EPHA5: variants seen among roughly 807,000 people sequenced by gnomAD.
EPHA5 encodes the protein EPH receptor A5, also known as ephrin type-A receptor 5.
A neutral mutation model predicts 105.0 loss-of-function variants in EPHA5; 60 were observed. The ratio of observed to expected loss-of-function variants is 0.57; its 90% CI spans 0.46 to 0.71. The LOEUF is 0.71. EPHA5 is among the 30% of genes least tolerant of loss of function. The probability of loss-of-function intolerance (pLI) is 0.00; values close to 1 mark genes in which losing one functional copy is unlikely to be tolerated. For synonymous variants in EPHA5, 513 were observed against 449.1 expected (o/e 1.14, Z -1.80); for missense variants, 1,218 against 1,274.7 (o/e 0.96, Z 0.68).
intron 3 of EPHA5, among the ~76,000 whole-genome samples, chr4:65,525,718 G>T (rs1224387751): frequency 4.6e-5 from 7 of 151,760 alleles, no homozygotes; most frequent in Non-Finnish European, 8.8e-5. Flanking sequence ...TCAAAGAAAA[G>T]CCCCCTGGCA....
intron 5 of EPHA5, among the ~76,000 whole-genome samples, chr4:65,436,678 A>G (rs1725511082): frequency 6.6e-6 from 1 of 151,980 alleles, no homozygotes; most frequent in Non-Finnish European, 1.5e-5. Context: ...TTATTTTGAA[A>G]TCTACATGTT....
intron 3 of EPHA5, among the ~76,000 whole-genome samples, chr4:65,511,808 A>G (rs1733652885): frequency 6.6e-6 from 1 of 152,196 alleles, no homozygotes; most frequent in Admixed American, 6.6e-5. Context: ...CTGCTAGGCT[A>G]AAACTTATTT....
intron 3 of EPHA5, among the ~76,000 whole-genome samples, chr4:65,534,762 C>CT (rs1736135744): frequency 6.6e-6 from 1 of 152,154 alleles, no homozygotes; most frequent in Non-Finnish European, 1.5e-5. Context: ...ATGTTCATAT[C>CT]TTTGAGTTTA....
At chr4:65,457,680 T>G (rs991152464) in intron 5 of EPHA5, among the ~76,000 whole-genome samples, 1 of 152,058 alleles carries the variant, frequency 6.6e-6, no homozygotes, top group Non-Finnish European at 1.5e-5. Flanking sequence ...AAGAGTCGTG[T>G]AGCATAACAC....
intron 4 of EPHA5, among the ~76,000 whole-genome samples, chr4:65,491,181 T>TAA (rs78417500): frequency 6.7e-5 from 8 of 119,942 alleles, no homozygotes; most frequent in Admixed American, 8.7e-5. Flanking sequence ...ATGTTGTAAG[T>TAA]AAAAAAAAAA....
intron 5 of EPHA5, among the ~76,000 whole-genome samples, chr4:65,440,469 T>A (rs1440821272): frequency 1.3e-5 from 2 of 148,944 alleles, no homozygotes; most frequent in Admixed American, 6.9e-5. Flanking sequence ...AATCTTTTGT[T>A]TTTATTCAAC....
At chr4:65,413,746 C>A (rs1459749699) in intron 7 of EPHA5, among the ~76,000 whole-genome samples, 2 of 152,068 alleles carry the variant, frequency 1.3e-5, no homozygotes, top group Non-Finnish European at 2.9e-5. Flanking sequence ...AAATATTTTA[C>A]GCTATTTTTA....
intron 3 of EPHA5, among the ~76,000 whole-genome samples, chr4:65,596,646 T>C (rs1271254664): frequency 6.6e-6 from 1 of 151,088 alleles, no homozygotes. Context: ...ATGATTTGAC[T>C]ACTTAATTGC....
At chr4:65,590,202 A>G (rs1180842265) in intron 3 of EPHA5, among the ~76,000 whole-genome samples, 1 of 152,126 alleles carries the variant, frequency 6.6e-6, no homozygotes, top group Admixed American at 6.6e-5. Flanking sequence ...TCTTTTATAA[A>G]CTACACCTTT....
At chr4:65,515,086 C>A (rs1733976752) in intron 3 of EPHA5, among the ~76,000 whole-genome samples, 1 of 152,092 alleles carries the variant, frequency 6.6e-6, no homozygotes, top group South Asian at 2.1e-4. Context: ...CTGACTCTAC[C>A]AACTTGTCAA....
At chr4:65,617,227 G>A (rs779307045) in intron 2 of EPHA5, among the ~76,000 whole-genome samples, 1 of 151,860 alleles carries the variant, frequency 6.6e-6, no homozygotes, top group African/African-American at 2.4e-5. Flanking sequence ...CCTCTTACAC[G>A]CATTTTTCAT....
At chr4:65,468,030 G>A (rs1332972769) in intron 5 of EPHA5, among the ~76,000 whole-genome samples, 1 of 152,100 alleles carries the variant, frequency 6.6e-6, no homozygotes, top group Admixed American at 6.6e-5. Flanking sequence ...CTGACACCTC[G>A]ATTTTAGTCA....
chr4:65,548,041 A>G (rs1560680836), intron 3 of EPHA5, among the ~76,000 whole-genome samples: 1 of 151,570 alleles, frequency 6.6e-6, no homozygotes, highest in Non-Finnish European at 1.5e-5. Context: ...AAAATATACA[A>G]CACATAAATA....
intron 11 of EPHA5, among the ~76,000 whole-genome samples, chr4:65,353,365 C>A (rs28647498): frequency 6.8e-6 from 1 of 147,708 alleles, no homozygotes; most frequent in African/African-American, 2.5e-5. Context: ...TATTTTAAAA[C>A]TATTTAAATA....
At chr4:65,464,164 T>A (rs1298269705) in intron 5 of EPHA5, among the ~76,000 whole-genome samples, 1 of 151,816 alleles carries the variant, frequency 6.6e-6, no homozygotes, top group Non-Finnish European at 1.5e-5. Context: ...AATAAAGTAA[T>A]AACTTTATTT....
At chr4:65,465,467 A>AAAAGAAAG (rs749079632) in intron 5 of EPHA5, among the ~76,000 whole-genome samples, 1,031 of 74,932 alleles carry the variant, frequency 0.014, 38 homozygotes, top group East Asian at 0.043. Context: ...AAAAGAAAGA[A>AAAAGAAAG]AAAGAAAGAA....
At chr4:65,554,037 G>A (rs1738168858) in intron 3 of EPHA5, among the ~76,000 whole-genome samples, 1 of 151,318 alleles carries the variant, frequency 6.6e-6, no homozygotes. Flanking sequence ...ATTGTCTCTG[G>A]TATAAAAGAA....
intron 3 of EPHA5, among the ~76,000 whole-genome samples, chr4:65,595,020 T>C (rs1743027705): frequency 6.6e-6 from 1 of 152,030 alleles, no homozygotes; most frequent in African/African-American, 2.4e-5. Context: ...TAGAAAGAAA[T>C]GAGACATACA....
intron 3 of EPHA5, among the ~76,000 whole-genome samples, chr4:65,519,373 T>C (rs1346896214): frequency 6.6e-6 from 1 of 152,072 alleles, no homozygotes; most frequent in Non-Finnish European, 1.5e-5. Context: ...TGATAGGATG[T>C]ATCTCAAAAT....
Sources: allele counts gnomAD v4.1 joint callset (sites outside exome capture counted in the v4.1 genomes callset), GRCh38; gene constraint gnomAD v4.1.1; transcripts MANE v1.5; gene names NCBI Gene and HGNC (gene_info 2026-07-23, HGNC 2026-07-21).